AKT3: variants seen among roughly 807,000 people sequenced by gnomAD.
The protein encoded by AKT3 is RAC-gamma serine/threonine-protein kinase.
Under a neutral mutation model 65.3 loss-of-function variants are expected in AKT3, and 15 were observed. The observed-to-expected ratio is 0.23, with a 90% confidence interval of 0.15 to 0.35. The LOEUF (loss-of-function observed/expected upper bound fraction) is 0.35. Ranked by LOEUF, AKT3 falls within the 10% of genes least tolerant of loss-of-function variation. The pLI, the probability that AKT3 is intolerant of heterozygous loss-of-function variation, is 1.00. For missense variants in AKT3, 243 were observed against 576.5 expected, an observed-to-expected ratio of 0.42 and a Z score of 5.92; for synonymous variants, 206 against 183.8, an observed-to-expected ratio of 1.12 and a Z score of -0.98.
chr1:243,696,683 C>A (rs1235488011), intron 2 of AKT3, among the ~76,000 whole-genome samples: 1 of 152,030 alleles, frequency 6.6e-6, no homozygotes, highest in African/African-American at 2.4e-5. Context: ...AACCCAACAT[C>A]TGAAGGTTCC....
intron 8 of AKT3, among the ~76,000 whole-genome samples, chr1:243,589,306 CAA>C (rs758254217): frequency 2.4e-5 from 1 of 40,872 alleles, no homozygotes; most frequent in Non-Finnish European, 5.0e-5. Context: ...AACTCCATCT[CAA>C]AAAAAAAAAA....
At chr1:243,747,023 T>C (rs186134054) in intron 2 of AKT3, among the ~76,000 whole-genome samples, 292 of 152,262 alleles carry the variant, frequency 1.9e-3, no homozygotes, top group Non-Finnish European at 3.0e-3. Flanking sequence ...TGTGATTCCA[T>C]TGGGAGGATG....
At chr1:243,564,813 A>T (rs1213028362) in intron 9 of AKT3, among the ~76,000 whole-genome samples, 1 of 152,226 alleles carries the variant, frequency 6.6e-6, no homozygotes, top group African/African-American at 2.4e-5. Flanking sequence ...TGTGAAAAGT[A>T]TATTAACAGG....
chr1:243,849,641 G>A (rs1413526011), intron 1 of AKT3, among the ~76,000 whole-genome samples: 2 of 150,572 alleles, frequency 1.3e-5, no homozygotes, highest in Admixed American at 1.3e-4. Context: ...CCCACGCCGC[G>A]CGGCCCGGGC....
At chr1:243,575,564 G>A (rs1468604837) in intron 8 of AKT3, among the ~76,000 whole-genome samples, 2 of 152,076 alleles carry the variant, frequency 1.3e-5, no homozygotes, top group African/African-American at 2.4e-5. Flanking sequence ...TATGAATGAA[G>A]AGGACACAGG....
intron 3 of AKT3, among the ~76,000 whole-genome samples, chr1:243,688,624 G>A (rs571678681): frequency 4.6e-5 from 7 of 152,284 alleles, no homozygotes; most frequent in African/African-American, 1.7e-4. Context: ...CAGTAAGACT[G>A]AAAAGGATGA....
chr1:243,635,978 A>G (rs934780364), intron 6 of AKT3, among the ~76,000 whole-genome samples: 5 of 152,110 alleles, frequency 3.3e-5, no homozygotes, highest in South Asian at 2.1e-4. Context: ...AGAATAGTCT[A>G]TCATTTGTGA....
At chr1:243,642,194 G>C (rs1278330096) in intron 5 of AKT3, among the ~76,000 whole-genome samples, 1 of 152,186 alleles carries the variant, frequency 6.6e-6, no homozygotes, top group East Asian at 1.9e-4. Context: ...AATGCTCATG[G>C]TCAGAATGGT....
At chr1:243,630,816 GA>G (rs34971679) in intron 6 of AKT3, among the ~76,000 whole-genome samples, 78,473 of 151,888 alleles carry the variant, frequency 0.52, 24,011 homozygotes, top group Non-Finnish European at 0.68. Context: ...CCTAAAAACT[GA>G]ACGCCAATTT....
At chr1:243,513,228 G>A (rs1233044214) in intron 12 of AKT3, among the ~76,000 whole-genome samples, 2 of 152,188 alleles carry the variant, frequency 1.3e-5, no homozygotes, top group South Asian at 2.1e-4. Flanking sequence ...GAGCTAACAC[G>A]AGGCTCCTGC....
intron 2 of AKT3, among the ~76,000 whole-genome samples, chr1:243,720,172 G>T (rs944530170): frequency 6.6e-6 from 1 of 152,042 alleles, no homozygotes; most frequent in Non-Finnish European, 1.5e-5. Flanking sequence ...GGTGGCACAT[G>T]CCTGTAATCC....
intron 2 of AKT3, among the ~76,000 whole-genome samples, chr1:243,708,151 T>C (rs1417590197): frequency 6.6e-6 from 1 of 152,074 alleles, no homozygotes; most frequent in Non-Finnish European, 1.5e-5. Context: ...AATTTGACAA[T>C]TTATGGCCAG....
chr1:243,638,885 G>T (rs1206750979), intron 5 of AKT3, among the ~76,000 whole-genome samples: 1 of 151,482 alleles, frequency 6.6e-6, no homozygotes, highest in East Asian at 1.9e-4. Flanking sequence ...GATCAGAGCA[G>T]AAATCAATTA....
At chr1:243,556,513 A>T (rs1673419038) in intron 10 of AKT3, among the ~76,000 whole-genome samples, 1 of 152,122 alleles carries the variant, frequency 6.6e-6, no homozygotes, top group Admixed American at 6.6e-5. Context: ...GCAAGCAATT[A>T]TAAGGAGGCT....
intron 2 of AKT3, among the ~76,000 whole-genome samples, chr1:243,719,060 G>A (rs1203233950): frequency 2.6e-5 from 4 of 152,066 alleles, no homozygotes; most frequent in Admixed American, 2.6e-4. Flanking sequence ...CTAACTCCCA[G>A]CAAACAAGAT....
At chr1:243,819,117 T>C (rs1693706193) in intron 2 of AKT3, among the ~76,000 whole-genome samples, 1 of 152,218 alleles carries the variant, frequency 6.6e-6, no homozygotes, top group Non-Finnish European at 1.5e-5. Flanking sequence ...AACTGGAGAA[T>C]GCCTAAGACT....
intron 2 of AKT3, among the ~76,000 whole-genome samples, chr1:243,789,925 G>T (rs545316660): frequency 1.5e-4 from 23 of 152,314 alleles, no homozygotes; most frequent in African/African-American, 5.5e-4. Flanking sequence ...TATTTTGAAA[G>T]GAATCTTTCT....
chr1:243,622,750 T>C (rs1678856210), intron 6 of AKT3, among the ~76,000 whole-genome samples: 1 of 152,212 alleles, frequency 6.6e-6, no homozygotes, highest in Non-Finnish European at 1.5e-5. Context: ...CAAACCATTA[T>C]CTGCTTCCTA....
chr1:243,551,390 T>C (rs890282494), intron 11 of AKT3, among the ~76,000 whole-genome samples: 1 of 152,234 alleles, frequency 6.6e-6, no homozygotes, highest in African/African-American at 2.4e-5. Context: ...AAAATGTTTC[T>C]TGAATGAGTC....
Sources: gnomAD v4.1 joint callset for allele counts (sites outside exome capture counted in the v4.1 genomes callset) on GRCh38, gnomAD v4.1.1 for gene constraint, MANE v1.5 for transcripts, NCBI Gene and HGNC (gene_info 2026-07-23, HGNC 2026-07-21) for gene names.